The following ZNF385D variants were observed in gnomAD, a reference collection of about 807,000 sequenced individuals.
The protein encoded by ZNF385D is zinc finger protein 385D, also known as zinc finger protein 659.
ZNF385D carries 15 observed loss-of-function variants against 35.8 expected under a neutral mutation model. The observed-to-expected ratio is 0.42, with a 90% confidence interval of 0.28 to 0.64. ZNF385D has a LOEUF of 0.64. Among genes scored for constraint, ZNF385D ranks in the 30% least tolerant of loss-of-function variants. The pLI is 0.23. For missense variants in ZNF385D, 474 were observed against 494.6 expected (o/e 0.96, Z 0.39); for synonymous variants, 212 against 186.8 (o/e 1.13, Z -1.10).
chr3:21,845,781 A>C (rs1013541050), intron 3 of ZNF385D, among the ~76,000 whole-genome samples: 1 of 152,054 alleles, frequency 6.6e-6, no homozygotes, highest in Non-Finnish European at 1.5e-5. Flanking sequence ...AGAGCTTCTA[A>C]GAATCAACGT....
intron 3 of ZNF385D, among the ~76,000 whole-genome samples, chr3:21,870,109 G>A (rs1032711866): frequency 6.6e-6 from 1 of 151,908 alleles, no homozygotes; most frequent in Non-Finnish European, 1.5e-5. Flanking sequence ...CACTAAAAAT[G>A]TATAACTGCA....
At chr3:21,739,020 C>G (rs559017178) in intron 1 of ZNF385D, among the ~76,000 whole-genome samples, 2 of 152,288 alleles carry the variant, frequency 1.3e-5, no homozygotes, top group East Asian at 3.9e-4. Flanking sequence ...ACTTTGCTTC[C>G]CAACTAATCA....
intron 3 of ZNF385D, among the ~76,000 whole-genome samples, chr3:21,777,068 T>G (rs938874044): frequency 1.3e-5 from 2 of 152,020 alleles, no homozygotes; most frequent in Non-Finnish European, 2.9e-5. Flanking sequence ...GGGACCGTGT[T>G]GCCAATAATG....
At chr3:22,183,616 G>A (rs531440869) in intron 2 of ZNF385D, among the ~76,000 whole-genome samples, 47 of 151,970 alleles carry the variant, frequency 3.1e-4, no homozygotes, top group African/African-American at 1.0e-3. Flanking sequence ...TCGGCCTCCC[G>A]AGAATGGAAA....
At position 22,102,629 on chromosome 3, in the gene ZNF385D, G is replaced by A. The variant is rs111752249; in HGVS notation, c.325+66188C>T. 1.2e-4 allele frequency among the ~76,000 whole-genome samples: 19 copies of A among 152,026 alleles called. 1 individual carries two copies. Among genetic ancestry groups the A allele is most frequent in the African/African-American group, 2.7e-4 (11 of 41,494 alleles). On this transcript the variant is annotated intron_variant, in intron 3 of 5. Transcript: ENST00000494108. ...GGCAGAGATGAGAAAAATATACATC[G>A]ACAATAGGACATATTGATGACTGGG...
intron 2 of ZNF385D, among the ~76,000 whole-genome samples, chr3:22,344,233 A>G (rs920506722): frequency 1.3e-5 from 2 of 151,234 alleles, no homozygotes; most frequent in East Asian, 3.9e-4. Flanking sequence ...AAGTATCATA[A>G]TCCAGTAGAA....
intron 5 of ZNF385D, chr3:21,436,745 A>G: frequency 2.1e-6 from 1 of 468,902 alleles, no homozygotes; most frequent in South Asian, 4.6e-5. Context: ...GTTTAATAAC[A>G]CACACATACA....
chr3:21,575,006 CAT>C (rs1371360935), intron 2 of ZNF385D, among the ~76,000 whole-genome samples: 7 of 152,026 alleles, frequency 4.6e-5, no homozygotes, highest in African/African-American at 1.7e-4. Flanking sequence ...TCTTAACAAA[CAT>C]AAAACAACTG....
intron 4 of ZNF385D, among the ~76,000 whole-genome samples, chr3:21,495,066 G>A (rs554424678): frequency 2.6e-5 from 4 of 152,150 alleles, no homozygotes; most frequent in Non-Finnish European, 5.9e-5. Context: ...TAGAACTCCT[G>A]TTCTGCATTA....
At chr3:21,812,534 C>T (rs1559647331) in intron 3 of ZNF385D, among the ~76,000 whole-genome samples, 3 of 152,268 alleles carry the variant, frequency 2.0e-5, no homozygotes, top group Admixed American at 2.0e-4. Context: ...GCAAATGGCA[C>T]ACCAGGAGGT....
chr3:21,839,473 C>A (rs930418023), intron 3 of ZNF385D, among the ~76,000 whole-genome samples: 2 of 152,010 alleles, frequency 1.3e-5, no homozygotes, highest in Non-Finnish European at 2.9e-5. Context: ...TGTCCAGTTC[C>A]AAGGTACAAT....
intron 3 of ZNF385D, among the ~76,000 whole-genome samples, chr3:21,913,093 T>G (rs938171570): frequency 6.6e-6 from 1 of 152,098 alleles, no homozygotes; most frequent in African/African-American, 2.4e-5. Context: ...AAGAGTGATT[T>G]ACCAAATTGA....
At chr3:21,812,867 T>C (rs1260571010) in intron 3 of ZNF385D, among the ~76,000 whole-genome samples, 1 of 152,172 alleles carries the variant, frequency 6.6e-6, no homozygotes, top group Non-Finnish European at 1.5e-5. Context: ...GCATGGAGTT[T>C]GAGATCTGAG....
At chr3:22,178,702 G>A (rs959054657) in intron 2 of ZNF385D, among the ~76,000 whole-genome samples, 2 of 152,042 alleles carry the variant, frequency 1.3e-5, no homozygotes, top group Non-Finnish European at 2.9e-5. Context: ...TTTCTTCTAG[G>A]GTTTTTATGG....
At chr3:22,084,264 T>C (rs908476859) in intron 3 of ZNF385D, among the ~76,000 whole-genome samples, 67 of 152,098 alleles carry the variant, frequency 4.4e-4, no homozygotes, top group African/African-American at 1.5e-3. Flanking sequence ...GGCTATATGC[T>C]CAATTAAAAG....
chr3:22,164,449 G>C (rs956463764), intron 3 of ZNF385D, among the ~76,000 whole-genome samples: 1 of 151,444 alleles, frequency 6.6e-6, no homozygotes, highest in South Asian at 2.1e-4. Context: ...GGATGGTCTC[G>C]ATCTCTTGAC....
intron 2 of ZNF385D, among the ~76,000 whole-genome samples, chr3:22,194,250 T>A (rs535273764): frequency 2.0e-5 from 3 of 152,046 alleles, no homozygotes; most frequent in Non-Finnish European, 2.9e-5. Flanking sequence ...AAAGTATTAA[T>A]TTTGTCATAT....
intron 2 of ZNF385D, among the ~76,000 whole-genome samples, chr3:21,580,229 C>T (rs1252877538): frequency 6.6e-6 from 1 of 152,038 alleles, no homozygotes; most frequent in African/African-American, 2.4e-5. Flanking sequence ...TGGACGTGAC[C>T]AATTTTAGCC....
chr3:22,249,644 T>G (rs1699965176), intron 2 of ZNF385D, among the ~76,000 whole-genome samples: 1 of 152,212 alleles, frequency 6.6e-6, no homozygotes, highest in Non-Finnish European at 1.5e-5. Flanking sequence ...GAGATTTATA[T>G]ATTATAGATA....
Sources: gnomAD v4.1 joint callset for allele counts (sites outside exome capture counted in the v4.1 genomes callset) on GRCh38, gnomAD v4.1.1 for gene constraint, MANE v1.5 for transcripts, NCBI Gene and HGNC (gene_info 2026-07-23, HGNC 2026-07-21) for gene names.